CACNA2D4: variants seen among roughly 807,000 people sequenced by gnomAD.
CACNA2D4 encodes voltage-dependent calcium channel subunit alpha-2/delta-4.
In CACNA2D4, 157 loss-of-function variants were observed where a neutral mutation model predicts 163.8. That is an observed-to-expected ratio of 0.96 (90% CI 0.84 to 1.09). The LOEUF is 1.09. CACNA2D4 is among the 50% of genes least tolerant of loss of function. CACNA2D4 has a pLI of 0.00. For missense variants in CACNA2D4, 1,410 were observed against 1,479.9 expected, an observed-to-expected ratio of 0.95 and a Z score of 0.78; for synonymous variants, 598 against 586.9, an observed-to-expected ratio of 1.02 and a Z score of -0.27.
At position 1,844,399 on chromosome 12, in the gene CACNA2D4, T is replaced by C. The variant is rs972139903; in HGVS notation, c.2470+3A>G. 19 of 1,613,284 alleles carry C rather than the reference T, an allele frequency of 1.2e-5. No individual in the cohort carries two copies. Among genetic ancestry groups the C allele is most frequent in the Non-Finnish European group, 1.4e-5 (17 of 1,179,734 alleles). On this transcript the variant is annotated splice_donor_region_variant and intron_variant, in intron 25 of 37. Transcript: ENST00000382722. The surrounding 1 kb of genome is among the most constrained non-coding windows in gnomAD (Gnocchi z 4.2). ...GCCCCGGGAGCACCGGGCTGTGTGT[T>C]ACCTGGTCCTTCTGCCCAGCGGAGG...
At position 1,834,862 on chromosome 12, in the gene CACNA2D4, C is replaced by G; in HGVS notation, c.2551+5877G>C. 1 of 1,414,842 alleles carries G rather than the reference C, an allele frequency of 7.1e-7. No individual in the cohort carries two copies. Among genetic ancestry groups the G allele is most frequent in the Non-Finnish European group, 9.2e-7 (1 of 1,081,934 alleles). 87.6% of individuals were successfully genotyped at this position (1,414,842 alleles called of 1,614,324 possible). A position where few individuals can be genotyped will look rare whatever the true frequency, so the allele number is the denominator to read the frequency against. ...CCCGCCCTCCAGCAGACAAGCCACA[C>G]CGGGTTCTCTCCCTGCACTTTCGAG... On this transcript the variant is annotated intron_variant, in intron 26 of 37. Coordinates refer to ENST00000382722, the MANE Select transcript of CACNA2D4 (RefSeq NM_172364.5). The surrounding 1 kb of genome is among the most constrained non-coding windows in gnomAD (Gnocchi z 7.6).
chr12:1,810,326 G>A lies in CACNA2D4; in HGVS notation c.2673C>T (p.Phe891=), dbSNP rs1863663921. ...QSCEDSDLDC[F]VIDNNGFILI... ...GAATGAACCCGTTGTTGTCGATGACGAAGCAGTCCAGATCCTGGGAGGAAA... is the reference window on the plus strand; with the variant it reads ...GAATGAACCCGTTGTTGTCGATGACAAAGCAGTCCAGATCCTGGGAGGAAA... Residue 891 remains phenylalanine, a synonymous_variant, in exon 29 of 38, where the codon TTC becomes TTT. Coordinates refer to ENST00000382722, the MANE Select transcript of CACNA2D4 (RefSeq NM_172364.5). 1.9e-6 allele frequency: 3 copies of A among 1,613,728 alleles called. No individual in the cohort carries two copies. Among genetic ancestry groups the A allele is most frequent in the African/African-American group, 1.3e-5 (1 of 74,934 alleles).
chr12:1,867,309 T>C (rs1391306927), intron 18 of CACNA2D4, among the ~76,000 whole-genome samples: 1 of 152,112 alleles, frequency 6.6e-6, no homozygotes, highest in Non-Finnish European at 1.5e-5. Flanking sequence ...TTTTTCTCCT[T>C]ACCTTCTAGG....
At chr12:1,815,367 T>G (rs1592666354) in intron 26 of CACNA2D4, among the ~76,000 whole-genome samples, 1 of 148,516 alleles carries the variant, frequency 6.7e-6, no homozygotes, top group East Asian at 1.9e-4. Context: ...GAACTTTACA[T>G]GGCTGGCTCC....
Position 1,834,960 on chromosome 12 carries a change from TG to T in CACNA2D4, c.2551+5778del, listed in dbSNP as rs902467030. On this transcript the variant is annotated intron_variant, in intron 26 of 37. Coordinates refer to ENST00000382722, the MANE Select transcript of CACNA2D4 (RefSeq NM_172364.5). The surrounding 1 kb of genome is among the most constrained non-coding windows in gnomAD (Gnocchi z 7.6). The stretch of plus-strand genomic sequence containing the variant: ...TGGGCCAGTAAATCTTTGGAACATG[TG>T]GGGGATCTCCCTAAGCTCTGGCCAC... 2 of 693,846 alleles carry T rather than the reference TG, an allele frequency of 2.9e-6. No homozygotes were observed. Among genetic ancestry groups the T allele is most frequent in the Non-Finnish European group, 4.6e-6 (2 of 438,960 alleles). The allele number at this position is 693,846 out of a possible 1,614,324, so 43.0% of individuals were successfully genotyped here.
intron 4 of CACNA2D4, among the ~76,000 whole-genome samples, chr12:1,908,646 ACTGCCT>A (rs1866731608): frequency 2.7e-5 from 4 of 150,244 alleles, no homozygotes; most frequent in Admixed American, 6.6e-5. Context: ...CCCACGCCGG[ACTGCCT>A]CACGGACATC....
chr12:1,878,240 G>A lies in CACNA2D4; in HGVS notation c.1719+75C>T. The A allele has an allele frequency of 6.6e-7, 1 of 1,511,134 alleles. No individual in the cohort carries two copies. The highest frequency in any genetic ancestry group is 9.0e-7 in the Non-Finnish European group (1 of 1,108,808). The allele number at this position is 1,511,134 out of a possible 1,614,324, so 93.6% of individuals were successfully genotyped here. On this transcript the variant is annotated intron_variant, in intron 16 of 37. Coordinates refer to ENST00000382722, the MANE Select transcript of CACNA2D4 (RefSeq NM_172364.5). The surrounding 1 kb of genome is among the most constrained non-coding windows in gnomAD (Gnocchi z 4.6). ...AAATGGAGCCCAATGTGTGTTTGTT[G>A]TTTTAATCGTTTTTGTGAATTACCC...
chr12:1,799,610 C>T lies in CACNA2D4; in HGVS notation c.2995+65G>A, dbSNP rs1253415856. ...TGGGACAGGTCATGGAGGGTGGGTTCTTTGTAGCTCCTGCTGCGTCCCCAA... is the reference window on the plus strand; with the variant it reads ...TGGGACAGGTCATGGAGGGTGGGTTTTTTGTAGCTCCTGCTGCGTCCCCAA... On this transcript the variant is annotated intron_variant, in intron 34 of 37. Coordinates refer to ENST00000382722, the MANE Select transcript of CACNA2D4 (RefSeq NM_172364.5). This position sits in a 1 kb window ranked among gnomAD's most constrained non-coding sequence, Gnocchi z 4.7. 2.6e-6 allele frequency: 4 copies of T among 1,529,376 alleles called. No individual in the cohort carries two copies. The highest frequency in any genetic ancestry group is 2.0e-5 in the Admixed American group (1 of 50,952). The allele number at this position is 1,529,376 out of a possible 1,614,324, so 94.7% of individuals were successfully genotyped here.
At chr12:1,855,910 G>C (rs977277241) in intron 22 of CACNA2D4, 102 bp downstream of exon 22, 15 of 810,762 alleles carry the variant, frequency 1.9e-5, no homozygotes, top group Non-Finnish European at 2.5e-5. Context: ...ATGGGATAGG[G>C]CTGTGCAGCA....
intron 32 of CACNA2D4, 87 bp from the exon 33 acceptor site, chr12:1,800,139 G>C (rs1439268524): frequency 7.5e-7 from 1 of 1,330,664 alleles, no homozygotes; most frequent in Non-Finnish European, 1.1e-6. Context: ...GACAGCCCCC[G>C]GCCCATCCCC....
chr12:1,858,534 T>C, intron 20 of CACNA2D4, 43 bp downstream of exon 20: 4 of 1,584,148 alleles, frequency 2.5e-6, no homozygotes. Flanking sequence ...GAGAGCCCAT[T>C]ATTTTCTGCT....
chr12:1,895,734 C>T (rs1036133992), intron 6 of CACNA2D4, among the ~76,000 whole-genome samples: 4 of 152,144 alleles, frequency 2.6e-5, no homozygotes, highest in African/African-American at 9.7e-5. Flanking sequence ...TGGGCTCAAG[C>T]AATCCTCCCA....
rs1291805514 is a variant in CACNA2D4 at position 1,833,248 on chromosome 12, G to C, written c.2551+7491C>G. ...GGAGACTTGCGGCAGATGGGCTGCA[G>C]AGGGAGCTGCCAGTGACGGAGTGGC... On this transcript the variant is annotated intron_variant, in intron 26 of 37. Coordinates refer to ENST00000382722, the MANE Select transcript of CACNA2D4 (RefSeq NM_172364.5). The surrounding 1 kb of genome is among the most constrained non-coding windows in gnomAD (Gnocchi z 4.2). Among the ~76,000 whole-genome samples the C allele has an allele frequency of 1.3e-5, 2 of 152,218 alleles. No individual in the cohort carries two copies. The highest frequency in any genetic ancestry group is 4.8e-5 in the African/African-American group (2 of 41,452).
intron 6 of CACNA2D4, among the ~76,000 whole-genome samples, chr12:1,891,661 C>T (rs1866283797): frequency 6.6e-6 from 1 of 151,084 alleles, no homozygotes; most frequent in Admixed American, 6.6e-5. Context: ...CAAGAGAATA[C>T]AGAAAAGCAA....
rs1044536058 is a variant in CACNA2D4, at chr12:1,868,908, G to T, written c.1878+5696C>A. Among the ~76,000 whole-genome samples, 10 of 152,110 alleles carry T rather than the reference G, an allele frequency of 6.6e-5. 1 individual carries two copies. Among genetic ancestry groups the T allele is most frequent in the Admixed American group, 5.2e-4 (8 of 15,268 alleles). On this transcript the variant is annotated intron_variant, in intron 18 of 37. Coordinates refer to ENST00000382722, the MANE Select transcript of CACNA2D4 (RefSeq NM_172364.5). ...TTTATATAGCAATTACACTGTATTA[G>T]GTTTTATAAGTAATCTGGAGATGAT... is the stretch of plus-strand genomic sequence containing the variant.
Position 1,869,762 on chromosome 12 carries a change from TCTTTG to T in CACNA2D4, c.1878+4837_1878+4841del, listed in dbSNP as rs1299009236. ...ATTCTATCACTCCCAGGGGCTCTGTTCTTTGACCAAGCCCTAACCATTTCTCCGCT... is the reference window on the plus strand; with the variant it reads ...ATTCTATCACTCCCAGGGGCTCTGTTACCAAGCCCTAACCATTTCTCCGCT... On this transcript the variant is annotated intron_variant, in intron 18 of 37. Transcript: ENST00000382722. This position sits in a 1 kb window ranked among gnomAD's most constrained non-coding sequence, Gnocchi z 4.7. 7.2e-5 allele frequency among the ~76,000 whole-genome samples: 11 copies of T among 152,340 alleles called. No individual in the cohort carries two copies. Among genetic ancestry groups the T allele is most frequent in the African/African-American group, 2.6e-4 (11 of 41,586 alleles).
At chr12:1,873,853 G>C (rs1261704627) in intron 18 of CACNA2D4, among the ~76,000 whole-genome samples, 1 of 152,202 alleles carries the variant, frequency 6.6e-6, no homozygotes, top group African/African-American at 2.4e-5. Flanking sequence ...TGGCCTAAAA[G>C]GGATGCTTCC....
At chr12:1,858,482 C>A in intron 20 of CACNA2D4, 95 bp downstream of exon 20, 1 of 1,090,458 alleles carries the variant, frequency 9.2e-7, no homozygotes, top group South Asian at 1.3e-5. Context: ...GGGAGGCTGT[C>A]ACACTGGCTC....
intron 14 of CACNA2D4, 112 bp downstream of exon 14, chr12:1,879,692 C>T (rs1865952536): frequency 2.4e-6 from 2 of 850,976 alleles, no homozygotes; most frequent in Non-Finnish European, 3.9e-6. Context: ...GCATTCAAAC[C>T]CTCCCAAGGT....
Sources: gnomAD v4.1 joint callset for allele counts (sites outside exome capture counted in the v4.1 genomes callset) on GRCh38, gnomAD v4.1.1 for gene constraint, Gnocchi (gnomAD v3.1) non-coding constraint, MANE v1.5 for transcripts, NCBI Gene and HGNC (gene_info 2026-07-23, HGNC 2026-07-21) for gene names.